Variants in GRK3 observed in about 807,000 individuals in gnomAD.
GRK3 encodes G protein-coupled receptor kinase 3.
Under a neutral mutation model 95.7 loss-of-function variants are expected in GRK3, and 54 were observed. That is an observed-to-expected ratio of 0.56 (90% CI 0.45 to 0.71). The LOEUF (loss-of-function observed/expected upper bound fraction) is 0.71, where lower values mean the gene tolerates loss of function less well. GRK3 is among the 30% of genes least tolerant of loss of function. GRK3 has a pLI of 0.00. For missense variants in GRK3, 649 were observed against 851.2 expected, an observed-to-expected ratio of 0.76 and a Z score of 2.96; for synonymous variants, 281 against 290.8, an observed-to-expected ratio of 0.97 and a Z score of 0.34.
At position 25,718,422 on chromosome 22, in the gene GRK3, G is replaced by A. The variant is rs140355284; in HGVS notation, c.1791+41G>A. On this transcript the variant is annotated intron_variant, in intron 19 of 20. Transcript: ENST00000324198. Reference sequence around the variant, plus strand: ...CCTCACCGAGCATGTTTCCCAGTACGTACAATGGCATATGGTTATTTCATG... The same window carrying A: ...CCTCACCGAGCATGTTTCCCAGTACATACAATGGCATATGGTTATTTCATG... The A allele has an allele frequency of 5.4e-5, 87 of 1,603,060 alleles. No individual in the cohort carries two copies. The East Asian group carries it at 6.5e-4, about 12-fold the overall frequency.
chr22:25,605,393 T>C (rs1428567399), intron 2 of GRK3, among the ~76,000 whole-genome samples: 1 of 152,224 alleles, frequency 6.6e-6, no homozygotes, highest in Non-Finnish European at 1.5e-5. Flanking sequence ...ATTACTTTCA[T>C]GGTGTGTGGT....
At chr22:25,627,811 C>A (rs2084638347) in intron 2 of GRK3, among the ~76,000 whole-genome samples, 1 of 152,198 alleles carries the variant, frequency 6.6e-6, no homozygotes, top group Non-Finnish European at 1.5e-5. Flanking sequence ...AGGCCACTGT[C>A]ATGTTTAAGA....
intron 5 of GRK3, among the ~76,000 whole-genome samples, chr22:25,664,517 T>TC (rs201892784): frequency 0.028 from 3,091 of 108,512 alleles, 68 homozygotes; most frequent in African/African-American, 0.084. Flanking sequence ...GACTTTGGCA[T>TC]TTTTTTTTTT....
intron 2 of GRK3, among the ~76,000 whole-genome samples, chr22:25,627,861 C>G (rs898026313): frequency 6.6e-6 from 1 of 152,146 alleles, no homozygotes; most frequent in Non-Finnish European, 1.5e-5. Context: ...CCAGGAATGA[C>G]AAGGAGCCAG....
chr22:25,638,719 G>A (rs1022001507), intron 2 of GRK3, among the ~76,000 whole-genome samples: 3 of 151,806 alleles, frequency 2.0e-5, no homozygotes, highest in African/African-American at 7.3e-5. Flanking sequence ...TGGCAGTCAG[G>A]ATCAGTTACT....
At chr22:25,625,605 T>C (rs951630249) in intron 2 of GRK3, among the ~76,000 whole-genome samples, 3 of 152,026 alleles carry the variant, frequency 2.0e-5, no homozygotes, top group African/African-American at 7.2e-5. Context: ...TCCTCCACCT[T>C]TTGTGGAGGG....
chr22:25,710,025 C>G (rs750005332), intron 16 of GRK3, 61 bp downstream of exon 16: 21 of 1,260,796 alleles, frequency 1.7e-5, no homozygotes, highest in Non-Finnish European at 2.3e-5. Flanking sequence ...CCGCTCATCT[C>G]TGTCTCAGTT....
At chr22:25,674,943 T>C (rs2085015363) in intron 8 of GRK3, among the ~76,000 whole-genome samples, 1 of 151,224 alleles carries the variant, frequency 6.6e-6, no homozygotes, top group Non-Finnish European at 1.5e-5. Context: ...CAAAACTCTG[T>C]CTTGGAAAAA....
At chr22:25,715,094 AC>A (rs1568940597) in intron 18 of GRK3, 1 of 152,546 alleles carries the variant, frequency 6.6e-6, no homozygotes, top group Non-Finnish European at 1.5e-5. Flanking sequence ...CCATTCAAGT[AC>A]TAACCAGGCC....
chr22:25,688,607 C>T (rs182318869), intron 11 of GRK3, among the ~76,000 whole-genome samples: 9 of 152,256 alleles, frequency 5.9e-5, no homozygotes, highest in Admixed American at 2.0e-4. Context: ...CTGCTGTGCC[C>T]GAGTTTCTGT....
intron 15 of GRK3, among the ~76,000 whole-genome samples, chr22:25,708,659 A>G (rs1199107851): frequency 1.4e-5 from 2 of 141,222 alleles, no homozygotes; most frequent in Non-Finnish European, 3.1e-5. Context: ...GGAGTGTGCA[A>G]TTTTTTTTTT....
chr22:25,704,121 C>G lies in GRK3; in HGVS notation c.1240C>G (p.Pro414Ala). The G allele has an allele frequency of 6.2e-7, 1 of 1,612,298 alleles. No individual in the cohort carries two copies. Among genetic ancestry groups the G allele is most frequent in the Non-Finnish European group, 8.5e-7 (1 of 1,178,952 alleles). Reference protein sequence around the residue: ...RMTLTVNVELPDTFSPELKSL... With the variant: ...RMTLTVNVELADTFSPELKSL... ...GTCTTTTCCCCAGAATGTGGAACTT[C>G]CAGACACCTTCTCTCCTGAACTGAA... Residue 414 changes from proline to alanine, a missense_variant, in exon 15 of 21, where the codon CCA becomes GCA. Around this residue, in one of 3 missense-constraint regions of GRK3, gnomAD observed 382 missense variants for 493.8 expected, o/e 0.77. Coordinates refer to ENST00000324198, the MANE Select transcript of GRK3 (RefSeq NM_005160.4).
intron 2 of GRK3, among the ~76,000 whole-genome samples, chr22:25,614,865 C>T (rs2084526073): frequency 1.3e-5 from 2 of 152,156 alleles, no homozygotes; most frequent in South Asian, 4.1e-4. Flanking sequence ...GAGTCCTTCA[C>T]TGGGAATGTC....
Position 25,615,822 on chromosome 22 carries a change from G to C in GRK3, c.190+11369G>C, listed in dbSNP as rs566532444. ...TCGTGCACATGGTGGCTTTAAACAG[G>C]GTGTTTTAAGAAGGTGCCATTCATA... is the stretch of plus-strand genomic sequence containing the variant. On this transcript the variant is annotated intron_variant, in intron 2 of 20. Coordinates refer to ENST00000324198, the MANE Select transcript of GRK3 (RefSeq NM_005160.4). Among the ~76,000 whole-genome samples the C allele has an allele frequency of 2.1e-4, 30 of 146,160 alleles. 1 individual carries two copies. In the East Asian group the frequency reaches 5.9e-3, roughly 29 times the overall value.
At chr22:25,648,918 A>G in intron 3 of GRK3, 1 of 884,360 alleles carries the variant, frequency 1.1e-6, no homozygotes. Flanking sequence ...AATCAAATGG[A>G]CAGCTCCTGA....
At chr22:25,642,237 A>G (rs1358828615) in intron 2 of GRK3, among the ~76,000 whole-genome samples, 1 of 152,212 alleles carries the variant, frequency 6.6e-6, no homozygotes, top group Non-Finnish European at 1.5e-5. Context: ...GATCGAGACC[A>G]GTCTGGCCAA....
chr22:25,671,117 G>T (rs1336270280), intron 6 of GRK3, among the ~76,000 whole-genome samples: 2 of 151,898 alleles, frequency 1.3e-5, no homozygotes, highest in Non-Finnish European at 2.9e-5. Flanking sequence ...ACTTTGGGAG[G>T]CTGAGGCGGG....
chr22:25,632,343 G>A (rs1299905930), intron 2 of GRK3, among the ~76,000 whole-genome samples: 6 of 152,020 alleles, frequency 3.9e-5, no homozygotes, highest in Non-Finnish European at 8.8e-5. Flanking sequence ...TATCTTCTTT[G>A]GTGAAAGTGT....
chr22:25,576,164 C>A (rs1290402982), intron 1 of GRK3, among the ~76,000 whole-genome samples: 2 of 152,046 alleles, frequency 1.3e-5, no homozygotes, highest in South Asian at 4.2e-4. Context: ...ACGTGCCCAG[C>A]GTCTGTGTGG....
Sources: allele counts gnomAD v4.1 joint callset (sites outside exome capture counted in the v4.1 genomes callset), GRCh38; gene constraint gnomAD v4.1.1; regional missense constraint gnomAD v4.1.1; transcripts MANE v1.5; gene names NCBI Gene and HGNC (gene_info 2026-07-23, HGNC 2026-07-21).